Variants in CHCHD6 observed in about 807,000 individuals in gnomAD.
The protein encoded by CHCHD6 is coiled-coil-helix-coiled-coil-helix domain containing 6, also known as MICOS complex subunit MIC25.
Under a neutral mutation model 32.3 loss-of-function variants are expected in CHCHD6, and 28 were observed. The observed-to-expected ratio is 0.87, with a 90% confidence interval of 0.64 to 1.19. The LOEUF is 1.19. Ranked by LOEUF, CHCHD6 falls within the 50% of genes most tolerant of loss-of-function variation. The pLI is 0.00. For synonymous variants in CHCHD6, 122 were observed against 117.5 expected (o/e 1.04, Z -0.25); for missense variants, 333 against 307.0 (o/e 1.08, Z -0.63).
chr3:126,859,766 G>A (rs917072971), intron 5 of CHCHD6, among the ~76,000 whole-genome samples: 4 of 152,164 alleles, frequency 2.6e-5, no homozygotes. Context: ...ACTGCCACGT[G>A]CTGCCTCCCA....
intron 3 of CHCHD6, 78 bp from the exon 4 acceptor site, chr3:126,733,000 G>A (rs1037254143): frequency 6.6e-7 from 1 of 1,504,590 alleles, no homozygotes; most frequent in East Asian, 2.3e-5. Context: ...GCTGAAGTGA[G>A]TGCGCAGATC....
intron 4 of CHCHD6, among the ~76,000 whole-genome samples, chr3:126,797,979 C>T (rs553549203): frequency 1.3e-5 from 2 of 152,198 alleles, no homozygotes; most frequent in East Asian, 1.9e-4. Flanking sequence ...CCAACTGTGC[C>T]GTTTCCTTCC....
chr3:126,789,161 G>C (rs1251743670), intron 4 of CHCHD6, among the ~76,000 whole-genome samples: 3 of 152,156 alleles, frequency 2.0e-5, no homozygotes, highest in Non-Finnish European at 4.4e-5. Flanking sequence ...CTGAGTTCTA[G>C]TTTGATTGCA....
chr3:126,745,197 A>G (rs1431687052), intron 4 of CHCHD6, among the ~76,000 whole-genome samples: 3 of 152,200 alleles, frequency 2.0e-5, no homozygotes, highest in Non-Finnish European at 4.4e-5. Flanking sequence ...GGATTATGTT[A>G]TTAAAGAAGA....
intron 4 of CHCHD6, among the ~76,000 whole-genome samples, chr3:126,756,616 A>G (rs1936966375): frequency 6.6e-6 from 1 of 152,192 alleles, no homozygotes; most frequent in Admixed American, 6.5e-5. Flanking sequence ...CAAATTATAA[A>G]CACTCTGTGG....
chr3:126,851,279 G>C (rs1411320963), intron 4 of CHCHD6, among the ~76,000 whole-genome samples: 2 of 152,232 alleles, frequency 1.3e-5, no homozygotes, highest in Non-Finnish European at 1.5e-5. Flanking sequence ...AGTAGGAGTA[G>C]CATTGCCAGG....
At chr3:126,916,408 A>G (rs991113982) in intron 6 of CHCHD6, among the ~76,000 whole-genome samples, 3 of 152,108 alleles carry the variant, frequency 2.0e-5, no homozygotes, top group African/African-American at 7.2e-5. Flanking sequence ...CTTAAAAAAA[A>G]AAAAAAAAAG....
At chr3:126,836,434 AC>A (rs2107544547) in intron 4 of CHCHD6, among the ~76,000 whole-genome samples, 1 of 151,596 alleles carries the variant, frequency 6.6e-6, no homozygotes, top group South Asian at 2.1e-4. Context: ...ATGAGTCCTC[AC>A]CCCTGCCTCT....
At chr3:126,849,106 G>C (rs1157351298) in intron 4 of CHCHD6, among the ~76,000 whole-genome samples, 3 of 152,188 alleles carry the variant, frequency 2.0e-5, no homozygotes, top group African/African-American at 7.2e-5. Flanking sequence ...GGCTTTCTAG[G>C]TTTAAGTAAA....
chr3:126,902,673 C>T (rs1020531903), intron 5 of CHCHD6, among the ~76,000 whole-genome samples: 1 of 149,732 alleles, frequency 6.7e-6, no homozygotes, highest in Non-Finnish European at 1.5e-5. Context: ...GCCGAGATCG[C>T]GCCACTGTAC....
At chr3:126,908,474 A>G (rs750110142) in intron 5 of CHCHD6, among the ~76,000 whole-genome samples, 3 of 152,132 alleles carry the variant, frequency 2.0e-5, no homozygotes, top group Non-Finnish European at 4.4e-5. Flanking sequence ...ATCTTTTCAG[A>G]TATTCTTAAG....
intron 4 of CHCHD6, among the ~76,000 whole-genome samples, chr3:126,849,769 A>G (rs1339829030): frequency 6.6e-6 from 1 of 152,152 alleles, no homozygotes; most frequent in East Asian, 1.9e-4. Flanking sequence ...TCTAAGCTTC[A>G]TGATAGCAGA....
At chr3:126,724,431 A>G (rs1474309891) in intron 1 of CHCHD6, among the ~76,000 whole-genome samples, 2 of 152,196 alleles carry the variant, frequency 1.3e-5, no homozygotes. Flanking sequence ...TAAAAAGTGT[A>G]TATACCTTAA....
intron 4 of CHCHD6, among the ~76,000 whole-genome samples, chr3:126,801,953 A>G (rs1306213055): frequency 3.3e-5 from 5 of 152,210 alleles, no homozygotes; most frequent in African/African-American, 1.2e-4. Context: ...CAGGCAAACA[A>G]GGTCTGGAGT....
At chr3:126,726,968 T>C in intron 1 of CHCHD6, 110 bp from the exon 2 acceptor site, 1 of 742,788 alleles carries the variant, frequency 1.3e-6, no homozygotes, top group Non-Finnish European at 2.3e-6. Flanking sequence ...GGAGTTGGTC[T>C]TGAGGAAGCA....
chr3:126,751,682 G>A (rs1374861009), intron 4 of CHCHD6, among the ~76,000 whole-genome samples: 1 of 152,124 alleles, frequency 6.6e-6, no homozygotes, highest in East Asian at 1.9e-4. Flanking sequence ...CTAGCAGCTA[G>A]GATTGGAGGC....
intron 4 of CHCHD6, among the ~76,000 whole-genome samples, chr3:126,785,705 T>A (rs1342638949): frequency 1.3e-5 from 2 of 152,182 alleles, no homozygotes; most frequent in African/African-American, 4.8e-5. Flanking sequence ...ATTTCCAGAT[T>A]TTTTCATCAT....
At position 126,733,085 on chromosome 3, in the gene CHCHD6, C is replaced by CA. The variant is rs1202933756; in HGVS notation, c.275dup (p.Glu93GlyfsTer8). 6.2e-7 allele frequency: 1 copy of CA among 1,614,196 alleles called. No homozygotes were observed. The highest frequency in any genetic ancestry group is 8.5e-7 in the Non-Finnish European group (1 of 1,180,020). On this transcript the variant is annotated frameshift_variant, in exon 4 of 8. Coordinates refer to ENST00000290913, the MANE Select transcript of CHCHD6 (RefSeq NM_032343.3). LOFTEE classifies it high-confidence loss of function. Reference sequence around the variant, plus strand: ...CATGTTTCTTCTGCACAGGTATGAACAGGAGCATGCTGCTATCCAGGATAA... The same window carrying CA: ...CATGTTTCTTCTGCACAGGTATGAACAAGGAGCATGCTGCTATCCAGGATAA...
At chr3:126,879,887 G>C (rs2077586353) in intron 5 of CHCHD6, among the ~76,000 whole-genome samples, 1 of 152,218 alleles carries the variant, frequency 6.6e-6, no homozygotes, top group African/African-American at 2.4e-5. Flanking sequence ...ACCCTAACAA[G>C]TGATGAATCT....
Sources: gnomAD v4.1 joint callset for allele counts (sites outside exome capture counted in the v4.1 genomes callset) on GRCh38, gnomAD v4.1.1 for gene constraint, MANE v1.5 for transcripts, NCBI Gene and HGNC (gene_info 2026-07-23, HGNC 2026-07-21) for gene names.